CFAP77: variants seen among roughly 807,000 people sequenced by gnomAD.
CFAP77 encodes cilia- and flagella-associated protein 77.
A neutral mutation model predicts 31.1 loss-of-function variants in CFAP77; 25 were observed. The ratio of observed to expected loss-of-function variants is 0.80; its 90% CI spans 0.59 to 1.12. The LOEUF (loss-of-function observed/expected upper bound fraction) is 1.12. Ranked by LOEUF, CFAP77 falls within the 50% of genes most tolerant of loss-of-function variation. The pLI is 0.00. For synonymous variants in CFAP77, 151 were observed against 159.9 expected, an observed-to-expected ratio of 0.94 and a Z score of 0.42; for missense variants, 377 against 397.3, an observed-to-expected ratio of 0.95 and a Z score of 0.44.
At chr9:132,509,638 G>A (rs1564233562) in intron 3 of CFAP77, among the ~76,000 whole-genome samples, 2 of 152,098 alleles carry the variant, frequency 1.3e-5, no homozygotes, top group Non-Finnish European at 2.9e-5. Flanking sequence ...GTGTGGTGGT[G>A]GGTGCCTGTA....
intron 1 of CFAP77, among the ~76,000 whole-genome samples, chr9:132,483,596 G>A (rs1403408916): frequency 6.6e-6 from 1 of 152,164 alleles, no homozygotes; most frequent in Non-Finnish European, 1.5e-5. Context: ...AGCAAAGGGG[G>A]CCACACTGTG....
intron 3 of CFAP77, among the ~76,000 whole-genome samples, chr9:132,512,417 G>T (rs997503643): frequency 6.6e-6 from 1 of 152,204 alleles, no homozygotes; most frequent in Non-Finnish European, 1.5e-5. Context: ...CTGGAGGAGG[G>T]TTAGGATATG....
rs112953209 is a variant in CFAP77, at chr9:132,455,714, G to A, written c.196-42981G>A. On this transcript the variant is annotated intron_variant, in intron 1 of 5. Transcript: ENST00000393216. This position sits in a 1 kb window ranked among gnomAD's most constrained non-coding sequence, Gnocchi z 4.1. ...CTACTGCACTCTGGCCTGGGTGACA[G>A]AGCAAGACTGTCTCAAAAACAAAAC... Among the ~76,000 whole-genome samples the A allele has an allele frequency of 2.1e-3, 318 of 152,232 alleles. 1 individual carries two copies. The highest frequency in any genetic ancestry group is 7.2e-3 in the African/African-American group (299 of 41,548).
intron 1 of CFAP77, among the ~76,000 whole-genome samples, chr9:132,494,014 T>G (rs545708287): frequency 3.2e-4 from 48 of 152,166 alleles, no homozygotes; most frequent in African/African-American, 1.1e-3. Flanking sequence ...CGGGTTCAAG[T>G]GGTTCTCCCA....
intron 1 of CFAP77, among the ~76,000 whole-genome samples, chr9:132,451,771 CT>C (rs1850831438): frequency 6.6e-6 from 1 of 151,890 alleles, no homozygotes; most frequent in Non-Finnish European, 1.5e-5. Flanking sequence ...GCCTCCCACC[CT>C]GAGTCAAGGA....
intron 1 of CFAP77, among the ~76,000 whole-genome samples, chr9:132,483,295 AAAC>A (rs936979753): frequency 3.9e-5 from 6 of 151,920 alleles, no homozygotes; most frequent in Non-Finnish European, 7.4e-5. Flanking sequence ...AAACAAAACA[AAAC>A]AACAACAACA....
rs1829862037 is a variant in CFAP77 at position 132,564,582 on chromosome 9, AAAAGAG to A, written c.733-7803_733-7798del. ...ATACTCAAAACTTGTGAGATGAGCTAAAAGAGAATTTAGAGGGAACACAGTTGCTAA... is the reference window on the plus strand; with the variant it reads ...ATACTCAAAACTTGTGAGATGAGCTAAATTTAGAGGGAACACAGTTGCTAA... On this transcript the variant is annotated intron_variant, in intron 5 of 5. Transcript: ENST00000393216. The surrounding 1 kb of genome is among the most constrained non-coding windows in gnomAD (Gnocchi z 4.6). 2.0e-5 allele frequency among the ~76,000 whole-genome samples: 3 copies of A among 152,350 alleles called. No homozygotes were observed. In the South Asian group the frequency reaches 6.2e-4, roughly 32 times the overall value.
chr9:132,547,710 G>A (rs1339057432), intron 5 of CFAP77, among the ~76,000 whole-genome samples: 2 of 152,152 alleles, frequency 1.3e-5, no homozygotes, highest in Admixed American at 6.5e-5. Flanking sequence ...CCCCAGGTGC[G>A]CCGTGTCCAC....
chr9:132,421,002 C>CTTTTTT (rs754764941), intron 1 of CFAP77, among the ~76,000 whole-genome samples: 3 of 74,510 alleles, frequency 4.0e-5, no homozygotes, highest in Non-Finnish European at 5.4e-5. Flanking sequence ...TGGCTTGTGT[C>CTTTTTT]TTTTTTTTTT....
intron 1 of CFAP77, among the ~76,000 whole-genome samples, chr9:132,410,924 G>A (rs1006853228): frequency 6.6e-6 from 1 of 152,188 alleles, no homozygotes; most frequent in Admixed American, 6.5e-5. Flanking sequence ...CGGTGGCTCC[G>A]TGTCTGTCCT....
chr9:132,459,420 G>GGTGTGT (rs112825234), intron 1 of CFAP77, among the ~76,000 whole-genome samples: 8,922 of 143,884 alleles, frequency 0.062, 285 homozygotes, highest in Non-Finnish European at 0.093. Context: ...GGATGAATAG[G>GGTGTGT]GTGTGTGTGT....
rs560528454 is a variant in CFAP77, at chr9:132,461,627, C to T, written c.196-37068C>T. Among the ~76,000 whole-genome samples, 41 of 152,278 alleles carry T rather than the reference C, an allele frequency of 2.7e-4. No individual in the cohort carries two copies. In the Middle Eastern group the frequency reaches 0.027, roughly 101 times the overall value. On this transcript the variant is annotated intron_variant, in intron 1 of 5. Transcript: ENST00000393216. ...CGACCGAGGATTTATTCTACCGGGA[C>T]GGCCAAGGGAAGACTGCGGGGGTTT...
intron 1 of CFAP77, among the ~76,000 whole-genome samples, chr9:132,487,643 G>GTTT (rs74783489): frequency 2.4e-5 from 3 of 126,732 alleles, no homozygotes; most frequent in Non-Finnish European, 5.1e-5. Flanking sequence ...TCCGGCTGTG[G>GTTT]TTTTTTTTTT....
At chr9:132,444,734 T>A (rs12682914) in intron 1 of CFAP77, among the ~76,000 whole-genome samples, 17,499 of 152,004 alleles carry the variant, frequency 0.12, 1,340 homozygotes, top group East Asian at 0.26. Flanking sequence ...TAAAATTTTT[T>A]AAAAAAAATT....
At chr9:132,533,948 C>T (rs1564243762) in intron 3 of CFAP77, among the ~76,000 whole-genome samples, 1 of 152,108 alleles carries the variant, frequency 6.6e-6, no homozygotes, top group Non-Finnish European at 1.5e-5. Context: ...TGATTACATT[C>T]CAGTTTACGT....
rs528338112 is a variant in CFAP77, at chr9:132,461,948, A to G, written c.196-36747A>G. On this transcript the variant is annotated intron_variant, in intron 1 of 5. Transcript: ENST00000393216. The stretch of plus-strand genomic sequence containing the variant: ...TTTCCAGTTTTCTCTGCAAATGTTA[A>G]GGAGGAGGAGAAATCAAGGAAATCC... Among the ~76,000 whole-genome samples, 16 of 152,326 alleles carry G rather than the reference A, an allele frequency of 1.1e-4. 1 individual carries two copies. The South Asian group carries it at 3.3e-3, about 32-fold the overall frequency.
chr9:132,472,151 A>G (rs477464), intron 1 of CFAP77, among the ~76,000 whole-genome samples: 102,838 of 151,918 alleles, frequency 0.68, 35,672 homozygotes, highest in East Asian at 0.85. Context: ...CTCAGAAAAC[A>G]TCAAGTTTTA....
intron 1 of CFAP77, among the ~76,000 whole-genome samples, chr9:132,458,492 A>G (rs1850970395): frequency 6.6e-6 from 1 of 152,156 alleles, no homozygotes; most frequent in Admixed American, 6.5e-5. Context: ...GTTTCATCCT[A>G]ACAGTGATCA....
At chr9:132,458,350 G>T (rs962404231) in intron 1 of CFAP77, among the ~76,000 whole-genome samples, 2 of 136,454 alleles carry the variant, frequency 1.5e-5, no homozygotes, top group African/African-American at 5.5e-5. Context: ...GGCGGGGGAG[G>T]GGGGGGGGTG....
Sources: allele counts gnomAD v4.1 joint callset (sites outside exome capture counted in the v4.1 genomes callset), GRCh38; gene constraint gnomAD v4.1.1; non-coding constraint Gnocchi (gnomAD v3.1); transcripts MANE v1.5; gene names NCBI Gene and HGNC (gene_info 2026-07-23, HGNC 2026-07-21).